SOX6: variants seen among roughly 807,000 people sequenced by gnomAD.
SOX6 encodes the protein transcription factor SOX-6.
A neutral mutation model predicts 97.8 loss-of-function variants in SOX6; 11 were observed. The observed-to-expected ratio is 0.11, with a 90% CI of 0.07 to 0.19. The LOEUF (loss-of-function observed/expected upper bound fraction) is 0.19, where lower values mean the gene tolerates loss of function less well. Ranked by LOEUF, SOX6 falls within the 10% of genes least tolerant of loss-of-function variation. SOX6 has a pLI of 1.00. For synonymous variants in SOX6, 360 were observed against 371.4 expected (o/e 0.97, Z 0.35); for missense variants, 810 against 1,039.5 (o/e 0.78, Z 3.04).
In SOX6 at chr11:16,356,033, T is replaced by G. The variant is rs536781117; in HGVS notation, c.-5+61A>C. ...CAGGTAGGCTTTGAAGTTAGAAAAATTAAAAGGTAAAGTAATACAGCCAAG... is the reference window on the plus strand; with the variant it reads ...CAGGTAGGCTTTGAAGTTAGAAAAAGTAAAAGGTAAAGTAATACAGCCAAG... On this transcript the variant is annotated intron_variant, in intron 1 of 15. Coordinates refer to ENST00000683767, the MANE Select transcript of SOX6 (RefSeq NM_001367873.1). Among the ~76,000 whole-genome samples the G allele has an allele frequency of 1.1e-4, 16 of 151,924 alleles. No homozygotes were observed. In the South Asian group the frequency reaches 3.3e-3, roughly 32 times the overall value.
At chr11:16,006,960 G>T (rs76160490) in intron 13 of SOX6, among the ~76,000 whole-genome samples, 1,829 of 152,088 alleles carry the variant, frequency 0.012, 32 homozygotes, top group African/African-American at 0.042. Context: ...TAGCACCGGA[G>T]ATTCAGTCTA....
At chr11:16,246,353 T>C (rs1750346657) in intron 3 of SOX6, among the ~76,000 whole-genome samples, 1 of 151,816 alleles carries the variant, frequency 6.6e-6, no homozygotes, top group Non-Finnish European at 1.5e-5. Context: ...TAACCTTCAT[T>C]ACTTTTTAAA....
intron 1 of SOX6, among the ~76,000 whole-genome samples, chr11:16,341,748 T>TAA (rs1318602864): frequency 2.6e-5 from 4 of 151,878 alleles, no homozygotes; most frequent in Non-Finnish European, 5.9e-5. Context: ...ATCAGGAGAG[T>TAA]AAATAATTCA....
chr11:16,179,994 C>A (rs1851305547), intron 6 of SOX6, among the ~76,000 whole-genome samples: 1 of 151,550 alleles, frequency 6.6e-6, no homozygotes, highest in Admixed American at 6.6e-5. Flanking sequence ...TTGCAAAATT[C>A]CATCGTTAAA....
chr11:16,222,898 TCA>T (rs1243564803), intron 4 of SOX6, among the ~76,000 whole-genome samples: 2 of 152,120 alleles, frequency 1.3e-5, no homozygotes, highest in African/African-American at 4.8e-5. Flanking sequence ...CCTTTATTAT[TCA>T]GTCTTTTTTA....
chr11:16,275,605 A>AT (rs1311018093), intron 3 of SOX6, among the ~76,000 whole-genome samples: 1 of 152,244 alleles, frequency 6.6e-6, no homozygotes, highest in Non-Finnish European at 1.5e-5. Context: ...ATCACCTAAG[A>AT]TCACTTATAC....
chr11:16,146,552 A>G (rs1350644683), intron 6 of SOX6, among the ~76,000 whole-genome samples: 1 of 152,252 alleles, frequency 6.6e-6, no homozygotes, highest in East Asian at 1.9e-4. Context: ...AACTATCATC[A>G]GAGTGAACAG....
Position 15,972,308 on chromosome 11 carries a change from C to T in SOX6, c.*501G>A, listed in dbSNP as rs533085807. On this transcript the variant is annotated 3_prime_UTR_variant, in exon 16 of 16. Transcript: ENST00000683767. ...GGAATTCCGAGGCCTTTTGAATATG[C>T]TCTACATGCAGCTGCACACGCCGTG... The T allele has an allele frequency of 1.1e-4, 17 of 155,582 alleles. No individual in the cohort carries two copies. The highest frequency in any genetic ancestry group is 8.9e-4 in the Admixed American group (14 of 15,778). The allele number at this position is 155,582 out of a possible 1,614,324, so 9.6% of individuals were successfully genotyped here. A position where few individuals can be genotyped will look rare whatever the true frequency, so the allele number is the denominator to read the frequency against.
intron 4 of SOX6, among the ~76,000 whole-genome samples, chr11:16,538,476 T>C (rs1861344915): frequency 1.3e-5 from 2 of 152,098 alleles, no homozygotes; most frequent in Admixed American, 1.3e-4. Context: ...CACATAACAA[T>C]ATTAACCTTA....
At chr11:16,119,075 G>T (rs924141520) in intron 6 of SOX6, among the ~76,000 whole-genome samples, 1 of 152,024 alleles carries the variant, frequency 6.6e-6, no homozygotes, top group Admixed American at 6.6e-5. Context: ...ATCAGTTTTC[G>T]AAATGACCAT....
chr11:16,634,329 A>G (rs1848753238), intron 3 of SOX6, among the ~76,000 whole-genome samples: 1 of 151,932 alleles, frequency 6.6e-6, no homozygotes, highest in South Asian at 2.1e-4. Context: ...AGAGAAGAAA[A>G]AAATGGAAGA....
rs906517749 is a variant in SOX6, at chr11:16,014,960, G to A, written c.1714C>T (p.Arg572Trp). Residue 572 changes from arginine to tryptophan, a missense_variant, in exon 13 of 16, where the codon CGG becomes TGG. By Grantham distance (101) the Arg-to-Trp change is moderately radical. Transcript: ENST00000683767. ...CACTCACCCTCTGCATCTTCTGGCC[G>A]AGTAAGGTCGATGACACCTGGGCCC... ...KLGPGVIDLT[R>W]PEDAEGSKAM... 2.4e-5 allele frequency: 39 copies of A among 1,612,836 alleles called. No homozygotes were observed. The highest frequency in any genetic ancestry group is 3.0e-5 in the Non-Finnish European group (35 of 1,179,246).
At chr11:16,098,256 T>G (rs1012238680) in intron 7 of SOX6, among the ~76,000 whole-genome samples, 3 of 151,880 alleles carry the variant, frequency 2.0e-5, no homozygotes, top group Admixed American at 2.0e-4. Flanking sequence ...TCCCCATAAG[T>G]GTAGAAACCA....
intron 6 of SOX6, among the ~76,000 whole-genome samples, chr11:16,171,350 G>A (rs1851033219): frequency 6.6e-6 from 1 of 152,116 alleles, no homozygotes. Flanking sequence ...AGCCAGTATT[G>A]TAGTAGTTTC....
At position 16,613,606 on chromosome 11, in the gene SOX6, C is replaced by T. The variant is rs532639886; in HGVS notation, n.430-1346G>A. Among the ~76,000 whole-genome samples the T allele has an allele frequency of 2.6e-5, 4 of 151,928 alleles. No individual in the cohort carries two copies. The highest frequency in any genetic ancestry group is 4.4e-5 in the Non-Finnish European group (3 of 67,882). On this transcript the variant is annotated intron_variant and non_coding_transcript_variant, in intron 3 of 5. Coordinates refer to the SOX6 transcript ENST00000524520. The surrounding 1 kb of genome is among the most constrained non-coding windows in gnomAD (Gnocchi z 4.6). ...CCATCACCACTTCCCGCTGCCTCCACGCGCGCGCGCGGACCCACGAGCACA... is the reference window on the plus strand; with the variant it reads ...CCATCACCACTTCCCGCTGCCTCCATGCGCGCGCGCGGACCCACGAGCACA...
intron 2 of SOX6, among the ~76,000 whole-genome samples, chr11:16,721,541 T>G (rs1374920929): frequency 3.6e-5 from 2 of 55,800 alleles, no homozygotes; most frequent in African/African-American, 1.7e-4. Flanking sequence ...TCTCTCTCTC[T>G]CTCTCTCTCT....
At chr11:16,509,931 C>G (rs1860851185) in intron 4 of SOX6, among the ~76,000 whole-genome samples, 3 of 152,066 alleles carry the variant, frequency 2.0e-5, no homozygotes, top group African/African-American at 7.2e-5. Flanking sequence ...TTTTACTGGA[C>G]ATTTCATTTT....
rs905745248 is a variant in SOX6 at position 16,300,818 on chromosome 11, G to A, written c.445+17628C>T. Among the ~76,000 whole-genome samples, 7 of 152,176 alleles carry A rather than the reference G, an allele frequency of 4.6e-5. No individual in the cohort carries two copies. Among genetic ancestry groups the A allele is most frequent in the Admixed American group, 6.5e-5 (1 of 15,280 alleles). ...ACAGAGTTTTCTTTGGCCATTAAAT[G>A]TTAAAGCCTGTGGGTTTTGTTTTTC... On this transcript the variant is annotated intron_variant, in intron 3 of 15. Transcript: ENST00000683767. The surrounding 1 kb of genome is among the most constrained non-coding windows in gnomAD (Gnocchi z 4.1).
intron 3 of SOX6, among the ~76,000 whole-genome samples, chr11:16,671,294 C>G (rs926664253): frequency 2.6e-5 from 4 of 152,122 alleles, no homozygotes; most frequent in East Asian, 1.9e-4. Flanking sequence ...CTTAACCAGG[C>G]TGAGCTGGCT....
Sources: allele counts gnomAD v4.1 joint callset (sites outside exome capture counted in the v4.1 genomes callset), GRCh38; gene constraint gnomAD v4.1.1; non-coding constraint Gnocchi (gnomAD v3.1); transcripts MANE v1.5; gene names NCBI Gene and HGNC (gene_info 2026-07-23, HGNC 2026-07-21).